The following CAPNS1 variants were observed in gnomAD, a reference collection of about 807,000 sequenced individuals.
The protein encoded by CAPNS1 is calpain small subunit 1.
In CAPNS1, 32 loss-of-function variants were observed where a neutral mutation model predicts 39.2. That is an observed-to-expected ratio of 0.82 (90% CI 0.62 to 1.10). CAPNS1 has a LOEUF of 1.10. CAPNS1 is among the 50% of genes least tolerant of loss of function. CAPNS1 has a pLI of 0.00. For missense variants in CAPNS1, 353 were observed against 373.1 expected (o/e 0.95, Z 0.44); for synonymous variants, 153 against 136.2 (o/e 1.12, Z -0.86).
rs187032319 is a variant in CAPNS1 at position 36,146,888 on chromosome 19, C to T, written c.721+576C>T. 4.5e-4 allele frequency among the ~76,000 whole-genome samples: 69 copies of T among 152,304 alleles called. No individual in the cohort carries two copies. The East Asian group carries it at 5.2e-3, about 11-fold the overall frequency. ...GACAGAGTCTGCTGCTCTTGTTGCC[C>T]AGGCTGGAGTGCAGTGGCATGATCA... is the stretch of plus-strand genomic sequence containing the variant. On this transcript the variant is annotated intron_variant, in intron 9 of 10. Coordinates refer to ENST00000246533, the MANE Select transcript of CAPNS1 (RefSeq NM_001749.4).
In CAPNS1 at chr19:36,142,266, C is replaced by G. The variant is rs777995993; in HGVS notation, c.210-34C>G. ...GTGCTGCCCGTTGGAGGCCCCGCCC[C>G]TGGCACTAACCCCTCCCCCTTATCT... On this transcript the variant is annotated intron_variant, in intron 2 of 10. Transcript: ENST00000246533. 6 of 1,542,088 alleles carry G rather than the reference C, an allele frequency of 3.9e-6. No individual in the cohort carries two copies. In the African/African-American group the frequency reaches 8.2e-5, roughly 21 times the overall value.
rs1974368739 is a variant in CAPNS1 at position 36,141,395 on chromosome 19, C to T, written c.209+175C>T. Reference sequence around the variant, plus strand: ...AGAGTTCTGCTGTAAGGGGGTGGACCCCAGTGAGGCGGATATCAGTCATTG... The same window carrying T: ...AGAGTTCTGCTGTAAGGGGGTGGACTCCAGTGAGGCGGATATCAGTCATTG... On this transcript the variant is annotated intron_variant, in intron 2 of 10. Coordinates refer to ENST00000246533, the MANE Select transcript of CAPNS1 (RefSeq NM_001749.4). 4 of 1,333,330 alleles carry T rather than the reference C, an allele frequency of 3.0e-6. No individual in the cohort carries two copies. The South Asian group carries it at 6.2e-5, about 21-fold the overall frequency. 82.6% of individuals were successfully genotyped at this position (1,333,330 alleles called of 1,614,324 possible). A position where few individuals can be genotyped will look rare whatever the true frequency, so the allele number is the denominator to read the frequency against.
chr19:36,142,319 A>G lies in CAPNS1; in HGVS notation c.229A>G (p.Asn77Asp). 3.8e-6 allele frequency: 6 copies of G among 1,561,790 alleles called. No homozygotes were observed. Among genetic ancestry groups the G allele is most frequent in the Non-Finnish European group, 5.2e-6 (6 of 1,149,534 alleles). ...TCGCAGCGAGGCGGCTGCGCAGTAC[A>G]ACCCGGAGCCCCCGGTAAGCCCCCT... ...SAISEAAAQYNPEPPPPRTHY... is the reference protein window; with the variant it reads ...SAISEAAAQYDPEPPPPRTHY... The change falls in exon 3 of 11, where the codon AAC becomes GAC. Residue 77 changes from asparagine to aspartate, a missense_variant. Transcript: ENST00000246533.
intron 2 of CAPNS1, 83 bp downstream of exon 2, chr19:36,141,303 A>C: frequency 7.0e-7 from 1 of 1,427,862 alleles, no homozygotes; most frequent in Non-Finnish European, 9.1e-7. Flanking sequence ...GCGTGGTCTA[A>C]AAATAGAATA....
At position 36,142,687 on chromosome 19, in the gene CAPNS1, C is replaced by T. The variant is rs766140029; in HGVS notation, c.279C>T (p.Asn93=). The stretch of plus-strand genomic sequence containing the variant: ...CACATTACTCCAACATTGAGGCCAA[C>T]GAGAGTGAGGAGGTCCGGCAGTTCC... ...PRTHYSNIEA[N]ESEEVRQFRR... The change falls in exon 4 of 11, where the codon AAC becomes AAT. Residue 93 remains asparagine, a synonymous_variant. Coordinates refer to ENST00000246533, the MANE Select transcript of CAPNS1 (RefSeq NM_001749.4). 1 of 1,614,190 alleles carries T rather than the reference C, an allele frequency of 6.2e-7. No individual in the cohort carries two copies. Among genetic ancestry groups the T allele is most frequent in the Non-Finnish European group, 8.5e-7 (1 of 1,180,032 alleles).
intron 9 of CAPNS1, among the ~76,000 whole-genome samples, chr19:36,147,529 G>A (rs533860321): frequency 6.6e-6 from 1 of 152,334 alleles, no homozygotes; most frequent in South Asian, 2.1e-4. Context: ...CACTTTGGGA[G>A]GCCGAGGAGG....
At position 36,141,155 on chromosome 19, in the gene CAPNS1, T is replaced by TGGA. The variant is rs745995320; in HGVS notation, c.146_147insAGG (p.Gly56dup). The TGGA allele has an allele frequency of 2.9e-6, 4 of 1,377,016 alleles. No individual in the cohort carries two copies. Among genetic ancestry groups the TGGA allele is most frequent in the Admixed American group, 7.8e-5 (2 of 25,736 alleles). 85.3% of individuals were successfully genotyped at this position (1,377,016 alleles called of 1,614,324 possible). A position where few individuals can be genotyped will look rare whatever the true frequency, so the allele number is the denominator to read the frequency against. On this transcript the variant is annotated inframe_insertion, in exon 2 of 11. Coordinates refer to ENST00000246533, the MANE Select transcript of CAPNS1 (RefSeq NM_001749.4). ...GCGGCGGCGGCGGCGGCGGCGGCGG[T>TGGA]GGTGGAGGCGGCGGTGGCGGTGGAA...
chr19:36,142,593 T>G, intron 3 of CAPNS1, 59 bp from the exon 4 acceptor site: 1 of 1,434,760 alleles, frequency 7.0e-7, no homozygotes, highest in Non-Finnish European at 9.8e-7. Context: ...TACCTGGGTT[T>G]GGGGAGCCGT....
chr19:36,149,893 C>G lies in CAPNS1; in HGVS notation c.*54C>G. ...GCCTTGCTATAGGAGTCACCTGGAG[C>G]CTCGGTCTCTCCCAGGGCCGATCCT... On this transcript the variant is annotated 3_prime_UTR_variant, in exon 11 of 11. Transcript: ENST00000246533. 7.2e-7 allele frequency: 1 copy of G among 1,385,372 alleles called. No individual in the cohort carries two copies. Among genetic ancestry groups the G allele is most frequent in the Non-Finnish European group, 9.5e-7 (1 of 1,057,896 alleles). 85.8% of individuals were successfully genotyped at this position (1,385,372 alleles called of 1,614,324 possible).
rs148900101 is a variant in CAPNS1, at chr19:36,146,003, C to G, written c.553C>G (p.Arg185Gly). The stretch of plus-strand genomic sequence containing the variant: ...CATATACAAACAGTTCGACACTGAC[C>G]GATCAGGGACCATTTGCAGTAGTGA... ...QAIYKQFDTD[R>G]SGTICSSELP... The change falls in exon 8 of 11, where the codon CGA (arginine) becomes GGA (glycine). Residue 185 changes from arginine to glycine, a missense_variant. Physicochemically the swap from Arg to Gly is moderately radical, Grantham distance 125. Transcript: ENST00000246533. 1 of 1,614,176 alleles carries G rather than the reference C, an allele frequency of 6.2e-7. No individual in the cohort carries two copies. Among genetic ancestry groups the G allele is most frequent in the South Asian group, 1.1e-5 (1 of 91,048 alleles).
Position 36,146,019 on chromosome 19 carries a change from G to A in CAPNS1, c.569G>A (p.Cys190Tyr), listed in dbSNP as rs758630267. 9.9e-6 allele frequency: 16 copies of A among 1,614,196 alleles called. No individual in the cohort carries two copies. Among genetic ancestry groups the A allele is most frequent in the Non-Finnish European group, 1.4e-5 (16 of 1,180,040 alleles). Reference sequence around the variant, plus strand: ...GACACTGACCGATCAGGGACCATTTGCAGTAGTGAACTCCCAGGTGCCTTT... The same window carrying A: ...GACACTGACCGATCAGGGACCATTTACAGTAGTGAACTCCCAGGTGCCTTT... The part of the protein sequence containing the change: ...QFDTDRSGTI[C>Y]SSELPGAFEA... The change falls in exon 8 of 11, where the codon TGC (cysteine) becomes TAC (tyrosine). Residue 190 changes from cysteine (C) to tyrosine (Y), a missense_variant. By Grantham distance (194) the Cys-to-Tyr change is radical (BLOSUM62 -2). Coordinates refer to ENST00000246533, the MANE Select transcript of CAPNS1 (RefSeq NM_001749.4).
chr19:36,141,144 G>A lies in CAPNS1; in HGVS notation c.133G>A (p.Gly45Ser). 5 of 1,391,794 alleles carry A rather than the reference G, an allele frequency of 3.6e-6. No homozygotes were observed. Among genetic ancestry groups the A allele is most frequent in the Non-Finnish European group, 4.6e-6 (5 of 1,076,548 alleles). The allele number at this position is 1,391,794 out of a possible 1,614,324, so 86.2% of individuals were successfully genotyped here. Residue 45 changes from glycine to serine, a missense_variant, in exon 2 of 11, where the codon GGC becomes AGC. By Grantham distance (56) the Gly-to-Ser change is moderately conservative. Transcript: ENST00000246533. ...CGGGGGCGGCGGCGGCGGCGGCGGC[G>A]GCGGCGGCGGTGGTGGAGGCGGCGG... ...GAGGGGGGGG[G>S]GGGGGGGGGG...
Position 36,140,988 on chromosome 19 carries a change from T to G in CAPNS1, c.-15-9T>G. ...CGAAGCACCCACTGGTCCCCTTTTT[T>G]CCCCCCAGCAGTGAGTCGCAGCCAT... On this transcript the variant is annotated splice_polypyrimidine_tract_variant and intron_variant, in intron 1 of 10. Transcript: ENST00000246533. The G allele has an allele frequency of 1.3e-6, 2 of 1,556,034 alleles. No individual in the cohort carries two copies. The highest frequency in any genetic ancestry group is 2.6e-5 in the East Asian group (1 of 38,284).
chr19:36,144,654 G>A (rs1302104234), intron 6 of CAPNS1, among the ~76,000 whole-genome samples: 1 of 152,136 alleles, frequency 6.6e-6, no homozygotes, highest in Non-Finnish European at 1.5e-5. Flanking sequence ...AAAGTGTTGG[G>A]ATTACAAGCT....
Position 36,146,017 on chromosome 19 carries a change from T to G in CAPNS1, c.567T>G (p.Ile189Met). 1 of 1,614,180 alleles carries G rather than the reference T, an allele frequency of 6.2e-7. No homozygotes were observed. The highest frequency in any genetic ancestry group is 8.5e-7 in the Non-Finnish European group (1 of 1,180,030). Residue 189 changes from isoleucine to methionine, a missense_variant, in exon 8 of 11, where the codon ATT becomes ATG. Transcript: ENST00000246533. Reference protein sequence around the residue: ...KQFDTDRSGTICSSELPGAFE... With the variant: ...KQFDTDRSGTMCSSELPGAFE... ...TCGACACTGACCGATCAGGGACCAT[T>G]TGCAGTAGTGAACTCCCAGGTGCCT...
chr19:36,146,458 C>T, intron 9 of CAPNS1, 146 bp downstream of exon 9: 1 of 686,934 alleles, frequency 1.5e-6, no homozygotes, highest in Non-Finnish European at 2.7e-6. Flanking sequence ...TCATGGAGCT[C>T]ACAGTCTGGT....
rs17885104 is a variant in CAPNS1 at position 36,149,868 on chromosome 19, G to A, written c.*29G>A. ...GGAGCCCCAGACCCGCCCCCTCACT[G>A]CCTTGCTATAGGAGTCACCTGGAGC... On this transcript the variant is annotated 3_prime_UTR_variant, in exon 11 of 11. Coordinates refer to ENST00000246533, the MANE Select transcript of CAPNS1 (RefSeq NM_001749.4). 3.3e-3 allele frequency: 4,700 copies of A among 1,426,860 alleles called. 104 individuals are homozygous for A. The African/African-American group carries it at 0.058, about 18-fold the overall frequency. The allele number at this position is 1,426,860 out of a possible 1,614,324, so 88.4% of individuals were successfully genotyped here.
rs1049339 is a variant in CAPNS1, at chr19:36,149,862, C to T, written c.*23C>T. On this transcript the variant is annotated 3_prime_UTR_variant, in exon 11 of 11. Coordinates refer to ENST00000246533, the MANE Select transcript of CAPNS1 (RefSeq NM_001749.4). The stretch of plus-strand genomic sequence containing the variant: ...TGAACTGGAGCCCCAGACCCGCCCC[C>T]TCACTGCCTTGCTATAGGAGTCACC... 74,592 of 1,438,906 alleles carry T rather than the reference C, an allele frequency of 0.052. 2,153 individuals carry two copies. The highest frequency in any genetic ancestry group is 0.058 in the Non-Finnish European group (63,068 of 1,088,668). 89.1% of individuals were successfully genotyped at this position (1,438,906 alleles called of 1,614,324 possible).
chr19:36,145,592 T>C (rs952332406), intron 6 of CAPNS1: 4 of 542,180 alleles, frequency 7.4e-6, no homozygotes, highest in Non-Finnish European at 1.3e-5. Flanking sequence ...CTCATGGTTA[T>C]GTTTAAAGAG....
Sources: allele counts gnomAD v4.1 joint callset (sites outside exome capture counted in the v4.1 genomes callset), GRCh38; gene constraint gnomAD v4.1.1; transcripts MANE v1.5; gene names NCBI Gene and HGNC (gene_info 2026-07-23, HGNC 2026-07-21).